Variants in SUN1 observed in about 807,000 individuals in gnomAD.
The protein encoded by SUN1 is SUN domain-containing protein 1.
SUN1 carries 61 observed loss-of-function variants against 103.2 expected under a neutral mutation model. The ratio of observed to expected loss-of-function variants is 0.59; its 90% CI spans 0.48 to 0.73. SUN1 has a LOEUF of 0.73. Ranked by LOEUF, SUN1 falls within the 30% of genes least tolerant of loss-of-function variation. The pLI, the probability that SUN1 is intolerant of heterozygous loss-of-function variation, is 0.00. For missense variants in SUN1, 1,052 were observed against 1,034.6 expected (o/e 1.02, Z -0.23); for synonymous variants, 490 against 425.7 (o/e 1.15, Z -1.86).
chr7:848,585 A>G, intron 5 of SUN1: 8 of 1,348,596 alleles, frequency 5.9e-6, no homozygotes, highest in Non-Finnish European at 7.9e-6. Flanking sequence ...TGAATCCGAA[A>G]GCTATAAGTC....
chr7:816,696 C>T, intron 1 of SUN1: 1 of 159,802 alleles, frequency 6.3e-6, no homozygotes, highest in South Asian at 1.4e-4. Flanking sequence ...CGGGCCGGGC[C>T]AAGGGCACCC....
At chr7:839,010 C>G (rs763835924) in intron 2 of SUN1, 24 bp downstream of exon 2, 84 of 1,513,034 alleles carry the variant, frequency 5.6e-5, no homozygotes, top group Non-Finnish European at 7.1e-5. Context: ...CACTTCCTCT[C>G]CATCTGATCT....
intron 14 of SUN1, among the ~76,000 whole-genome samples, chr7:861,085 G>T (rs1263982006): frequency 6.6e-5 from 10 of 152,182 alleles, no homozygotes; most frequent in Admixed American, 2.0e-4. Flanking sequence ...GCTCATCCTT[G>T]CTTTATTCGT....
chr7:832,365 T>C, upstream of SUN1: 2 of 736,160 alleles, frequency 2.7e-6, no homozygotes. Context: ...TAGAAAACAC[T>C]GCTGCTGGCC....
At chr7:825,473 T>C (rs1165336303) in intron 1 of SUN1, among the ~76,000 whole-genome samples, 1 of 152,236 alleles carries the variant, frequency 6.6e-6, no homozygotes, top group African/African-American at 2.4e-5. Context: ...CCGAATTTAC[T>C]CAAATCTAGT....
intron 1 of SUN1, among the ~76,000 whole-genome samples, chr7:833,559 C>T (rs1487940482): frequency 1.3e-5 from 2 of 152,186 alleles, no homozygotes; most frequent in African/African-American, 2.4e-5. Flanking sequence ...GATCCACCCA[C>T]CTCGGCCTCC....
At position 873,525 on chromosome 7, in the gene SUN1, A is replaced by T. The variant is rs572352042; in HGVS notation, c.*194A>T. The T allele has an allele frequency of 2.6e-5, 15 of 568,884 alleles. No individual in the cohort carries two copies. The highest frequency in any genetic ancestry group is 1.9e-4 in the African/African-American group (10 of 52,904). The allele number at this position is 568,884 out of a possible 1,614,324, so 35.2% of individuals were successfully genotyped here. On this transcript the variant is annotated 3_prime_UTR_variant, in exon 19 of 19. Transcript: ENST00000401592. ...CCTGTTGGGTGCTCACTGCCTCTGC[A>T]GGTGCAGAGGGGTCAGCAGCAGGAG...
At chr7:832,448 A>G (rs760261345), upstream of SUN1, 39 of 1,447,012 alleles carry the variant, frequency 2.7e-5, no homozygotes, top group Admixed American at 5.1e-4. Flanking sequence ...TGAGACAGGA[A>G]TGCGCTCGAT....
chr7:828,174 G>A (rs1206735780), upstream of SUN1, among the ~76,000 whole-genome samples: 2 of 152,098 alleles, frequency 1.3e-5, no homozygotes, highest in African/African-American at 4.8e-5. Flanking sequence ...AAAGTGTTGG[G>A]ATTACAGGCA....
At chr7:849,535 A>G (rs765500371) in intron 5 of SUN1, 31 of 1,381,688 alleles carry the variant, frequency 2.2e-5, no homozygotes, top group Non-Finnish European at 3.0e-5. Context: ...GCCAGTTACT[A>G]TGGGAGAATG....
At chr7:820,877 C>A (rs1583745137) in intron 1 of SUN1, among the ~76,000 whole-genome samples, 1 of 152,114 alleles carries the variant, frequency 6.6e-6, no homozygotes, top group Non-Finnish European at 1.5e-5. Context: ...CCATCTTACA[C>A]CCTCACTTCC....
intron 7 of SUN1, 69 bp downstream of exon 7, chr7:852,112 A>G (rs1373739857): frequency 1.5e-6 from 2 of 1,322,060 alleles, no homozygotes; most frequent in Non-Finnish European, 2.2e-6. Flanking sequence ...GCAGGCTCTC[A>G]TTTGATTTGT....
chr7:840,233 A>G (rs1202849510), intron 2 of SUN1, among the ~76,000 whole-genome samples: 1 of 152,170 alleles, frequency 6.6e-6, no homozygotes, highest in African/African-American at 2.4e-5. Flanking sequence ...CACTGCGCAA[A>G]GAGTTCGATT....
Position 873,434 on chromosome 7 carries a change from ACACTCCTT to A in SUN1, c.*106_*113del. On this transcript the variant is annotated 3_prime_UTR_variant, in exon 19 of 19. Transcript: ENST00000401592. Reference sequence around the variant, plus strand: ...GCATATACAATGATGGGACAGTGCCACACTCCTTCAATAAACGTGGCTGCTGGCCAGAG... The same window carrying A: ...GCATATACAATGATGGGACAGTGCCACAATAAACGTGGCTGCTGGCCAGAG... The A allele has an allele frequency of 9.1e-7, 1 of 1,102,666 alleles. No homozygotes were observed. Among genetic ancestry groups the A allele is most frequent in the African/African-American group, 1.6e-5 (1 of 64,090 alleles). 68.3% of individuals were successfully genotyped at this position (1,102,666 alleles called of 1,614,324 possible).
chr7:832,070 G>A (rs1218629612), upstream of SUN1: 12 of 991,934 alleles, frequency 1.2e-5, no homozygotes, highest in African/African-American at 7.0e-5. Flanking sequence ...ATCTAGGAAC[G>A]CATACGCTGC....
At position 843,334 on chromosome 7, in the gene SUN1, ACT is replaced by A; in HGVS notation, c.479-6_479-5del. On this transcript the variant is annotated splice_polypyrimidine_tract_variant and splice_region_variant and intron_variant, in intron 4 of 18. Coordinates refer to ENST00000401592, the MANE Select transcript of SUN1 (RefSeq NM_001130965.3). ...AACAGGTTCCATCTACTGTTTGAAA[ACT>A]TTAGGTGGAAATAAAGCTGCCATTC... 1 of 1,602,464 alleles carries A rather than the reference ACT, an allele frequency of 6.2e-7. No homozygotes were observed. Among genetic ancestry groups the A allele is most frequent in the Non-Finnish European group, 8.5e-7 (1 of 1,175,332 alleles).
chr7:851,123 G>A (rs949411045), intron 5 of SUN1: 39 of 278,094 alleles, frequency 1.4e-4, no homozygotes, highest in Admixed American at 1.2e-3. Flanking sequence ...GGAGATATCT[G>A]CATTTTACAC....
chr7:873,726 A>G lies in SUN1; in HGVS notation c.*395A>G, dbSNP rs1268363836. The G allele has an allele frequency of 2.4e-5, 4 of 164,296 alleles. No homozygotes were observed. In the Admixed American group the frequency reaches 2.5e-4, roughly 10 times the overall value. The allele number at this position is 164,296 out of a possible 1,614,324, so 10.2% of individuals were successfully genotyped here. A position where few individuals can be genotyped will look rare whatever the true frequency, so the allele number is the denominator to read the frequency against. ...CTAAAGGACTTTTGGAGGGCAGATA[A>G]TTTCATCTGTTAAATCCAACACACA... On this transcript the variant is annotated 3_prime_UTR_variant, in exon 19 of 19. Coordinates refer to ENST00000401592, the MANE Select transcript of SUN1 (RefSeq NM_001130965.3).
intron 7 of SUN1, 72 bp from the exon 8 acceptor site, chr7:852,537 G>C (rs913474952): frequency 1.4e-5 from 23 of 1,589,518 alleles, no homozygotes; most frequent in African/African-American, 2.7e-5. Flanking sequence ...AAATTATCTA[G>C]AGGGGGAAAA....
Sources: gnomAD v4.1 joint callset for allele counts (sites outside exome capture counted in the v4.1 genomes callset) on GRCh38, gnomAD v4.1.1 for gene constraint, MANE v1.5 for transcripts, NCBI Gene and HGNC (gene_info 2026-07-23, HGNC 2026-07-21) for gene names.